The following HSD17B12 variants were observed in gnomAD, a reference collection of about 807,000 sequenced individuals.
HSD17B12 encodes the protein very-long-chain 3-oxoacyl-CoA reductase.
In HSD17B12, 32 loss-of-function variants were observed where a neutral mutation model predicts 39.3. The ratio of observed to expected loss-of-function variants is 0.81; its 90% CI spans 0.61 to 1.09. The LOEUF (loss-of-function observed/expected upper bound fraction) is 1.09, where lower values mean the gene tolerates loss of function less well. HSD17B12 is among the 50% of genes least tolerant of loss of function. The pLI, the probability that HSD17B12 is intolerant of heterozygous loss-of-function variation, is 0.00. For synonymous variants in HSD17B12, 150 were observed against 146.7 expected (o/e 1.02, Z -0.16); for missense variants, 342 against 382.9 (o/e 0.89, Z 0.89).
At chr11:43,580,278 C>T in the HSD17B12 span, among the ~76,000 whole-genome samples, 1 of 150,384 alleles carries the variant, frequency 6.6e-6, no homozygotes, top group Admixed American at 6.7e-5. Context: ...CTTCCTCCCG[C>T]AGAAGGTGGA....
upstream of HSD17B12, among the ~76,000 whole-genome samples, chr11:43,677,188 G>A (rs759644336): frequency 7.2e-5 from 11 of 152,146 alleles, no homozygotes; most frequent in Admixed American, 1.3e-4. Context: ...GGGGGTTTGG[G>A]CAGCAAGAAA....
chr11:43,759,711 C>G (rs1442549362), intron 3 of HSD17B12, among the ~76,000 whole-genome samples: 1 of 151,788 alleles, frequency 6.6e-6, no homozygotes, highest in Non-Finnish European at 1.5e-5. Context: ...TCTTCCTTCT[C>G]TTTTCGTTTC....
At chr11:43,694,556 T>A (rs1949892279) in intron 1 of HSD17B12, among the ~76,000 whole-genome samples, 1 of 151,442 alleles carries the variant, frequency 6.6e-6, no homozygotes, top group Non-Finnish European at 1.5e-5. Context: ...GGCATGGTGG[T>A]ACATGCCTGT....
chr11:43,837,653 C>G (rs1951384219), intron 7 of HSD17B12, among the ~76,000 whole-genome samples: 1 of 152,144 alleles, frequency 6.6e-6, no homozygotes, highest in Non-Finnish European at 1.5e-5. Context: ...GTTTGATGAA[C>G]TAGAGTCACA....
At chr11:43,802,248 A>G (rs895523953) in intron 4 of HSD17B12, among the ~76,000 whole-genome samples, 2 of 152,072 alleles carry the variant, frequency 1.3e-5, no homozygotes, top group Non-Finnish European at 2.9e-5. Flanking sequence ...GGCCTCCCAA[A>G]GTGCTGGGAT....
At chr11:43,737,424 A>C (rs918425214) in intron 1 of HSD17B12, among the ~76,000 whole-genome samples, 2 of 152,230 alleles carry the variant, frequency 1.3e-5, no homozygotes, top group Non-Finnish European at 2.9e-5. Flanking sequence ...TATTTTATAT[A>C]ATCTGTAGCA....
At chr11:43,604,619 T>C in the HSD17B12 span, among the ~76,000 whole-genome samples, 1 of 152,194 alleles carries the variant, frequency 6.6e-6, no homozygotes, top group Non-Finnish European at 1.5e-5. Flanking sequence ...TCATAATTCA[T>C]TACTGGCATC....
chr11:43,770,367 G>A (rs2134985177), intron 3 of HSD17B12, among the ~76,000 whole-genome samples: 1 of 152,302 alleles, frequency 6.6e-6, no homozygotes, highest in East Asian at 1.9e-4. Flanking sequence ...CACTCATATA[G>A]TGCAGCACCT....
At chr11:43,699,264 C>T (rs1949940706) in intron 1 of HSD17B12, among the ~76,000 whole-genome samples, 1 of 152,076 alleles carries the variant, frequency 6.6e-6, no homozygotes, top group African/African-American at 2.4e-5. Flanking sequence ...CCACTGTTCC[C>T]ATCTCATGCT....
At chr11:43,572,257 G>A in the HSD17B12 span, among the ~76,000 whole-genome samples, 1 of 152,202 alleles carries the variant, frequency 6.6e-6, no homozygotes, top group Non-Finnish European at 1.5e-5. Context: ...GGCTAAACCA[G>A]CTAGGGCTTT....
chr11:43,840,378 G>C (rs921389885), intron 9 of HSD17B12, among the ~76,000 whole-genome samples: 2 of 151,962 alleles, frequency 1.3e-5, no homozygotes, highest in African/African-American at 4.8e-5. Context: ...TTTTTTAATT[G>C]TGGTAAAATA....
At chr11:43,569,895 T>G in the HSD17B12 span, 16 of 152,696 alleles carry the variant, frequency 1.0e-4, no homozygotes, top group Admixed American at 1.0e-3. Context: ...TATTAACATT[T>G]GCCATAATAA....
At chr11:43,631,641 GTC>G in the HSD17B12 span, among the ~76,000 whole-genome samples, 1,342 of 144,882 alleles carry the variant, frequency 9.3e-3, 16 homozygotes, top group African/African-American at 0.032. Context: ...GTCGCTCTCT[GTC>G]TCTCTCTCTC....
chr11:43,575,930 G>T, the HSD17B12 span, among the ~76,000 whole-genome samples: 2 of 152,202 alleles, frequency 1.3e-5, no homozygotes, highest in Non-Finnish European at 2.9e-5. This position sits in a 1 kb window ranked among gnomAD's most constrained non-coding sequence, Gnocchi z 4.1. Flanking sequence ...TTTGCAGAGC[G>T]TGGGTGGGAA....
chr11:43,651,633 T>C, the HSD17B12 span, among the ~76,000 whole-genome samples: 3 of 152,224 alleles, frequency 2.0e-5, no homozygotes, highest in Non-Finnish European at 2.9e-5. Context: ...CAGGCTGCAG[T>C]GCGGTGGTGC....
At chr11:43,594,748 T>C in the HSD17B12 span, among the ~76,000 whole-genome samples, 1 of 152,184 alleles carries the variant, frequency 6.6e-6, no homozygotes, top group African/African-American at 2.4e-5. Context: ...TTGTTTTTCA[T>C]TTTCTTTTTC....
chr11:43,667,575 A>G, the HSD17B12 span, among the ~76,000 whole-genome samples: 2 of 152,256 alleles, frequency 1.3e-5, no homozygotes, highest in African/African-American at 4.8e-5. Context: ...GCTTGGGACC[A>G]GAAGTGTTGC....
chr11:43,762,552 T>G (rs948868222), intron 3 of HSD17B12, among the ~76,000 whole-genome samples: 2 of 152,222 alleles, frequency 1.3e-5, no homozygotes, highest in African/African-American at 4.8e-5. Context: ...TTGAAGGAAA[T>G]GTAGCAACCA....
chr11:43,650,777 C>T, the HSD17B12 span, among the ~76,000 whole-genome samples: 1 of 152,126 alleles, frequency 6.6e-6, no homozygotes, highest in African/African-American at 2.4e-5. Context: ...TTCACAGTCT[C>T]GATTTTTGCT....
Sources: allele counts gnomAD v4.1 joint callset (sites outside exome capture counted in the v4.1 genomes callset), GRCh38; gene constraint gnomAD v4.1.1; non-coding constraint Gnocchi (gnomAD v3.1); transcripts MANE v1.5; gene names NCBI Gene and HGNC (gene_info 2026-07-23, HGNC 2026-07-21).